The following JAZF1 variants were observed in gnomAD, a reference collection of about 807,000 sequenced individuals.
The protein encoded by JAZF1 is juxtaposed with another zinc finger protein 1.
A neutral mutation model predicts 26.4 loss-of-function variants in JAZF1; 8 were observed. The ratio of observed to expected loss-of-function variants is 0.30; its 90% CI spans 0.18 to 0.55. JAZF1 has a LOEUF of 0.55. Ranked by LOEUF, JAZF1 falls within the 20% of genes least tolerant of loss-of-function variation. The pLI is 0.94. For missense variants in JAZF1, 199 were observed against 322.0 expected (o/e 0.62, Z 2.92); for synonymous variants, 126 against 122.3 (o/e 1.03, Z -0.20).
At chr7:27,914,060 GAGAACA>G (rs1784405738) in intron 2 of JAZF1, among the ~76,000 whole-genome samples, 1 of 152,214 alleles carries the variant, frequency 6.6e-6, no homozygotes. Context: ...AGAACTGAGA[GAGAACA>G]AATCTGGGGA....
chr7:27,895,099 A>G, intron 3 of JAZF1, 121 bp downstream of exon 3: 1 of 498,410 alleles, frequency 2.0e-6, no homozygotes, highest in Non-Finnish European at 3.5e-6. Flanking sequence ...TGAAAGGATC[A>G]ACGATGTGGT....
chr7:28,173,470 T>A (rs924798974), intron 1 of JAZF1, among the ~76,000 whole-genome samples: 1 of 152,226 alleles, frequency 6.6e-6, no homozygotes, highest in African/African-American at 2.4e-5. Context: ...ATTAGACATA[T>A]ACATGTATTA....
At chr7:27,945,132 A>C (rs1784906859) in intron 2 of JAZF1, among the ~76,000 whole-genome samples, 1 of 152,058 alleles carries the variant, frequency 6.6e-6, no homozygotes, top group Non-Finnish European at 1.5e-5. Context: ...GAAGTAAAAA[A>C]ATTTTTTTTT....
At position 27,887,408 on chromosome 7, in the gene JAZF1, GTATTTATT is replaced by G. The variant is rs113116861; in HGVS notation, c.385+7804_385+7811del. Among the ~76,000 whole-genome samples, 309 of 151,782 alleles carry G rather than the reference GTATTTATT, an allele frequency of 2.0e-3. 3 individuals carry two copies. Among genetic ancestry groups the G allele is most frequent in the African/African-American group, 6.9e-3 (286 of 41,402 alleles). The stretch of plus-strand genomic sequence containing the variant: ...TATGATTACAGATCACCACTGATTT[GTATTTATT>G]TATTTATTTATTTATTTGAGATGAA... On this transcript the variant is annotated intron_variant, in intron 3 of 4. Transcript: ENST00000283928.
chr7:28,161,605 A>G (rs1783291777), intron 1 of JAZF1, among the ~76,000 whole-genome samples: 1 of 152,192 alleles, frequency 6.6e-6, no homozygotes, highest in South Asian at 2.1e-4. Flanking sequence ...TGATCTTCAC[A>G]GAGAATCATG....
intron 2 of JAZF1, among the ~76,000 whole-genome samples, chr7:27,923,305 G>A (rs993256427): frequency 6.6e-6 from 1 of 152,162 alleles, no homozygotes; most frequent in South Asian, 2.1e-4. Context: ...ACGAAAACCC[G>A]AAATTAAAAC....
intron 1 of JAZF1, among the ~76,000 whole-genome samples, chr7:28,007,285 T>A (rs1049999966): frequency 1.3e-5 from 2 of 152,118 alleles, no homozygotes; most frequent in Admixed American, 6.5e-5. Flanking sequence ...CTGGCCAACA[T>A]GATGAAACCC....
chr7:28,040,423 A>G (rs1402910658), intron 1 of JAZF1, among the ~76,000 whole-genome samples: 1 of 152,228 alleles, frequency 6.6e-6, no homozygotes. Flanking sequence ...AAAGAAAATT[A>G]AAGAGTAATG....
intron 2 of JAZF1, among the ~76,000 whole-genome samples, chr7:27,938,405 T>C (rs1283110622): frequency 6.6e-6 from 1 of 152,234 alleles, no homozygotes; most frequent in Non-Finnish European, 1.5e-5. Flanking sequence ...AAAATCTGTT[T>C]CTCTGTCCTG....
chr7:28,073,520 T>G (rs1441919612), intron 1 of JAZF1, among the ~76,000 whole-genome samples: 1 of 152,210 alleles, frequency 6.6e-6, no homozygotes, highest in Non-Finnish European at 1.5e-5. Context: ...CAAAGTAGTT[T>G]GTTAGGCTGT....
At chr7:28,101,331 C>T (rs1784468446) in intron 1 of JAZF1, among the ~76,000 whole-genome samples, 2 of 152,028 alleles carry the variant, frequency 1.3e-5, no homozygotes, top group African/African-American at 2.4e-5. Flanking sequence ...AGTTATACAA[C>T]GTGTTATATA....
rs866730544 is a variant in JAZF1 at position 28,092,307 on chromosome 7, A to C, written c.115+88156T>G. 8.4e-3 allele frequency among the ~76,000 whole-genome samples: 1,140 copies of C among 134,986 alleles called. 9 individuals carry two copies. The highest frequency in any genetic ancestry group is 0.031 in the East Asian group (119 of 3,898). The allele number at this position is 134,986 out of a possible 152,430, so 88.6% of individuals were successfully genotyped here. Reference sequence around the variant, plus strand: ...ACAAAAGGCAAAAAAAAAAAAAAAAAAAAAAAAAAAAAAAAAAAACAACTA... The same window carrying C: ...ACAAAAGGCAAAAAAAAAAAAAAAACAAAAAAAAAAAAAAAAAAACAACTA... On this transcript the variant is annotated intron_variant, in intron 1 of 4. Transcript: ENST00000283928.
At position 28,120,625 on chromosome 7, in the gene JAZF1, A is replaced by T. The variant is rs1243704382; in HGVS notation, c.115+59838T>A. On this transcript the variant is annotated intron_variant, in intron 1 of 4. Transcript: ENST00000283928. ...CGGGTTCAAGTGATTCTCCTGCCTC[A>T]GCCTCCCGAGTAGCTGGGATTTTCA... is the stretch of plus-strand genomic sequence containing the variant. Among the ~76,000 whole-genome samples, 3 of 145,922 alleles carry T rather than the reference A, an allele frequency of 2.1e-5. No individual in the cohort carries two copies. The East Asian group carries it at 6.1e-4, about 30-fold the overall frequency.
At chr7:27,851,460 G>A (rs554747073) in intron 3 of JAZF1, among the ~76,000 whole-genome samples, 51 of 152,230 alleles carry the variant, frequency 3.4e-4, no homozygotes, top group Non-Finnish European at 6.6e-4. Flanking sequence ...ACCAGCCTGG[G>A]CAATGTAGTG....
chr7:28,016,144 TTC>T (rs773717751), intron 1 of JAZF1, among the ~76,000 whole-genome samples: 23 of 152,300 alleles, frequency 1.5e-4, no homozygotes, highest in Non-Finnish European at 2.9e-4. Flanking sequence ...CCCTCTGCCT[TTC>T]TTTGCTGCAG....
intron 1 of JAZF1, among the ~76,000 whole-genome samples, chr7:28,001,552 A>G (rs565683145): frequency 1.3e-5 from 2 of 152,346 alleles, no homozygotes; most frequent in South Asian, 4.1e-4. Flanking sequence ...TTCAGAAAAG[A>G]TGAGAAAATG....
intron 2 of JAZF1, among the ~76,000 whole-genome samples, chr7:27,918,709 G>A (rs1583463346): frequency 6.6e-6 from 1 of 152,254 alleles, no homozygotes; most frequent in East Asian, 1.9e-4. Flanking sequence ...TGTGCTTGTG[G>A]CAATTTTTAC....
chr7:28,088,751 AT>A (rs1784247762), intron 1 of JAZF1, among the ~76,000 whole-genome samples: 1 of 152,208 alleles, frequency 6.6e-6, no homozygotes, highest in African/African-American at 2.4e-5. Flanking sequence ...CCACTATGCC[AT>A]TAAATCACTA....
chr7:27,916,786 C>T (rs1784448388), intron 2 of JAZF1, among the ~76,000 whole-genome samples: 1 of 152,250 alleles, frequency 6.6e-6, no homozygotes, highest in African/African-American at 2.4e-5. Flanking sequence ...CACTGCTTCG[C>T]TCAGCCTCAG....
Sources: allele counts gnomAD v4.1 joint callset (sites outside exome capture counted in the v4.1 genomes callset), GRCh38; gene constraint gnomAD v4.1.1; transcripts MANE v1.5; gene names NCBI Gene and HGNC (gene_info 2026-07-23, HGNC 2026-07-21).